Variants in CHD9 observed in about 807,000 individuals in gnomAD.
CHD9 encodes the protein ATP-dependent chromatin remodeler CHD9.
A neutral mutation model predicts 316.1 loss-of-function variants in CHD9; 77 were observed. The observed-to-expected ratio is 0.24, with a 90% confidence interval of 0.20 to 0.29. The LOEUF (loss-of-function observed/expected upper bound fraction) is 0.29. Ranked by LOEUF, CHD9 falls within the 10% of genes least tolerant of loss-of-function variation. The pLI is 1.00. For synonymous variants in CHD9, 1,129 were observed against 1,158.3 expected, an observed-to-expected ratio of 0.97 and a Z score of 0.51; for missense variants, 2,763 against 3,438.1, an observed-to-expected ratio of 0.80 and a Z score of 4.91.
chr16:53,059,624 TGG>T (rs1172677845), intron 1 of CHD9, among the ~76,000 whole-genome samples: 1 of 152,230 alleles, frequency 6.6e-6, no homozygotes, highest in Non-Finnish European at 1.5e-5. Flanking sequence ...ATACTAGGTC[TGG>T]GCATCGGCCT....
intron 1 of CHD9, among the ~76,000 whole-genome samples, chr16:53,077,837 G>T (rs1197430963): frequency 6.6e-6 from 1 of 151,398 alleles, no homozygotes; most frequent in Non-Finnish European, 1.5e-5. Flanking sequence ...ACTTTGGGAG[G>T]CCAAGTCAGG....
chr16:53,248,514 GT>G (rs752292946), intron 16 of CHD9, among the ~76,000 whole-genome samples: 36,901 of 132,342 alleles, frequency 0.28, 4,911 homozygotes, highest in East Asian at 0.33. Context: ...TGCTTTGTTG[GT>G]TTTTTTTTTT....
rs529873455 is a variant in CHD9 at position 53,259,852 on chromosome 16, C to CA, written c.4210-3132dup. ...TAAATGTTCTCCAGTTCACGTAAGG[C>CA]AAATACTCATTTACCAGATTGGTTA... On this transcript the variant is annotated intron_variant, in intron 19 of 38. Transcript: ENST00000447540. Among the ~76,000 whole-genome samples the CA allele has an allele frequency of 4.9e-3, 741 of 152,218 alleles. 5 individuals carry two copies. The highest frequency in any genetic ancestry group is 0.017 in the African/African-American group (706 of 41,540).
intron 1 of CHD9, among the ~76,000 whole-genome samples, chr16:53,130,557 G>A (rs902861687): frequency 6.7e-6 from 1 of 149,812 alleles, no homozygotes; most frequent in African/African-American, 2.4e-5. Context: ...GCTGCCGGGG[G>A]AGCCCGGACC....
intron 22 of CHD9, among the ~76,000 whole-genome samples, chr16:53,272,969 A>G (rs1050468183): frequency 2.0e-4 from 30 of 152,224 alleles, no homozygotes; most frequent in African/African-American, 6.3e-4. Context: ...CATGCCTGTA[A>G]TCCCAGCTAC....
intron 1 of CHD9, chr16:53,131,407 C>T (rs1179755912): frequency 2.6e-5 from 1 of 39,206 alleles, no homozygotes; most frequent in Admixed American, 3.5e-4. Context: ...GATCCGGTCC[C>T]GGGGCCGGGG....
intron 1 of CHD9, among the ~76,000 whole-genome samples, chr16:53,106,657 TACACACAC>T (rs10538483): frequency 6.6e-6 from 1 of 150,602 alleles, no homozygotes; most frequent in Non-Finnish European, 1.5e-5. Context: ...CACACATACA[TACACACAC>T]ACACACACAC....
intron 2 of CHD9, among the ~76,000 whole-genome samples, chr16:53,159,372 A>G (rs901378920): frequency 2.0e-5 from 3 of 152,178 alleles, no homozygotes; most frequent in Middle Eastern, 6.3e-3. Context: ...TGTCGTGAAC[A>G]TATTACTTTT....
intron 2 of CHD9, among the ~76,000 whole-genome samples, chr16:53,158,915 AC>A (rs2041716494): frequency 1.3e-5 from 2 of 152,036 alleles, no homozygotes; most frequent in African/African-American, 4.8e-5. Flanking sequence ...GGGATTATAG[AC>A]GTGAGACACT....
chr16:53,056,256 C>T (rs1340119431), intron 1 of CHD9, among the ~76,000 whole-genome samples: 1 of 152,200 alleles, frequency 6.6e-6, no homozygotes, highest in East Asian at 1.9e-4. Flanking sequence ...CATAGGCAGC[C>T]CTTCCTTTGT....
intron 34 of CHD9, among the ~76,000 whole-genome samples, chr16:53,313,710 CG>C (rs2056658180): frequency 1.4e-5 from 1 of 72,204 alleles, no homozygotes; most frequent in African/African-American, 5.4e-5. Context: ...TTTGGGAGGC[CG>C]AGGCCGAGGC....
At chr16:53,301,074 A>G (rs1007382567) in intron 30 of CHD9, among the ~76,000 whole-genome samples, 1 of 152,224 alleles carries the variant, frequency 6.6e-6, no homozygotes, top group Non-Finnish European at 1.5e-5. Context: ...CTCTGTCTCA[A>G]AAAAAGAAAA....
intron 3 of CHD9, among the ~76,000 whole-genome samples, chr16:53,218,309 G>T (rs969841066): frequency 7.2e-5 from 11 of 152,068 alleles, no homozygotes; most frequent in African/African-American, 2.4e-4. Flanking sequence ...AGTGAAAGTT[G>T]TTTTTTTGTT....
At chr16:53,146,361 C>T (rs2040580103) in intron 1 of CHD9, among the ~76,000 whole-genome samples, 1 of 128,028 alleles carries the variant, frequency 7.8e-6, no homozygotes, top group Admixed American at 8.7e-5. Context: ...CCATTGCACT[C>T]CAGGCTGGGT....
chr16:53,256,483 C>T (rs767143120), intron 19 of CHD9, among the ~76,000 whole-genome samples: 3 of 148,618 alleles, frequency 2.0e-5, no homozygotes, highest in East Asian at 2.0e-4. Flanking sequence ...CCACCATGCC[C>T]GGCTAATTTT....
At chr16:53,081,839 G>GTGAATGAA (rs57324357) in intron 1 of CHD9, among the ~76,000 whole-genome samples, 70,993 of 149,992 alleles carry the variant, frequency 0.47, 17,379 homozygotes, top group Non-Finnish European at 0.55. Flanking sequence ...TGTCAAGTTT[G>GTGAATGAA]TGAATGAATG....
At chr16:53,284,702 T>C (rs144724588) in intron 24 of CHD9, among the ~76,000 whole-genome samples, 1 of 152,318 alleles carries the variant, frequency 6.6e-6, no homozygotes, top group Admixed American at 6.5e-5. Flanking sequence ...TATTTTACTT[T>C]TTAGTAATCT....
intron 11 of CHD9, among the ~76,000 whole-genome samples, chr16:53,235,665 T>C (rs939730429): frequency 6.6e-6 from 1 of 152,170 alleles, no homozygotes; most frequent in Admixed American, 6.6e-5. Flanking sequence ...CAAGGTATAC[T>C]TATAGGAATT....
At chr16:53,281,423 A>G (rs2053406253) in intron 24 of CHD9, among the ~76,000 whole-genome samples, 1 of 152,118 alleles carries the variant, frequency 6.6e-6, no homozygotes, top group Non-Finnish European at 1.5e-5. Context: ...TCCTCTGCCA[A>G]ATCCCTAGTC....
Sources: allele counts gnomAD v4.1 joint callset (sites outside exome capture counted in the v4.1 genomes callset), GRCh38; gene constraint gnomAD v4.1.1; transcripts MANE v1.5; gene names NCBI Gene and HGNC (gene_info 2026-07-23, HGNC 2026-07-21).